Variants in MECOM observed in about 807,000 individuals in gnomAD.
MECOM encodes the protein histone-lysine N-methyltransferase MECOM.
A neutral mutation model predicts 116.3 loss-of-function variants in MECOM; 13 were observed. The observed-to-expected ratio is 0.11, with a 90% CI of 0.07 to 0.18. The LOEUF (loss-of-function observed/expected upper bound fraction) is 0.18, where lower values mean the gene tolerates loss of function less well. Among genes scored for constraint, MECOM ranks in the 10% least tolerant of loss-of-function variants. The pLI, the probability that MECOM is intolerant of heterozygous loss-of-function variation, is 1.00. For missense variants in MECOM, 1,299 were observed against 1,509.0 expected (o/e 0.86, Z 2.31); for synonymous variants, 528 against 535.2 (o/e 0.99, Z 0.19).
chr3:169,131,947 C>G (rs1734855825), intron 3 of MECOM: 1 of 994,804 alleles, frequency 1.0e-6, no homozygotes, highest in East Asian at 1.1e-4. Context: ...TTGTACCTTC[C>G]CCACTTAAGC....
chr3:169,280,269 A>G (rs1039909591), intron 2 of MECOM, among the ~76,000 whole-genome samples: 6 of 152,194 alleles, frequency 3.9e-5, no homozygotes, highest in Non-Finnish European at 8.8e-5. Context: ...CCATAATATG[A>G]TTACCTTTAA....
At chr3:169,473,901 T>A (rs1030101914) in intron 1 of MECOM, among the ~76,000 whole-genome samples, 2 of 113,430 alleles carry the variant, frequency 1.8e-5, no homozygotes, top group Non-Finnish European at 3.4e-5. Flanking sequence ...ATTATATCTA[T>A]AGATAGATAG....
At chr3:169,374,636 T>C (rs750715437) in intron 2 of MECOM, among the ~76,000 whole-genome samples, 8 of 152,026 alleles carry the variant, frequency 5.3e-5, no homozygotes, top group Non-Finnish European at 8.8e-5. Flanking sequence ...CGTTGTCTCA[T>C]AATGGCTATC....
Position 169,273,666 on chromosome 3 carries a change from G to C in MECOM, c.375+107521C>G, listed in dbSNP as rs530504281. Among the ~76,000 whole-genome samples the C allele has an allele frequency of 1.6e-4, 25 of 152,226 alleles. No homozygotes were observed. The South Asian group carries it at 4.6e-3, about 28-fold the overall frequency. ...GTGTGAAGACTAGGGTGTATGCAGC[G>C]AGTAATCTGCATGTTTACTGCGTCA... On this transcript the variant is annotated intron_variant, in intron 2 of 16. Coordinates refer to ENST00000651503, the MANE Select transcript of MECOM (RefSeq NM_004991.4).
At chr3:169,281,636 C>T (rs980128741) in intron 2 of MECOM, among the ~76,000 whole-genome samples, 7 of 151,940 alleles carry the variant, frequency 4.6e-5, no homozygotes, top group African/African-American at 1.2e-4. Context: ...CATGGCAAAA[C>T]CCCATCTCTA....
rs912696032 is a variant in MECOM, at chr3:169,626,593, A to T, written c.37+36743T>A. Reference sequence around the variant, plus strand: ...AGAGGTTTGGTTTGCCCAGGGCCTGACCTCCACACCAGCCTTCCTCTCCCT... The same window carrying T: ...AGAGGTTTGGTTTGCCCAGGGCCTGTCCTCCACACCAGCCTTCCTCTCCCT... On this transcript the variant is annotated intron_variant, in intron 1 of 16. Coordinates refer to ENST00000651503, the MANE Select transcript of MECOM (RefSeq NM_004991.4). 2.6e-5 allele frequency among the ~76,000 whole-genome samples: 4 copies of T among 152,180 alleles called. No homozygotes were observed. The East Asian group carries it at 7.7e-4, about 29-fold the overall frequency.
chr3:169,599,944 A>G (rs1381742508), intron 1 of MECOM, among the ~76,000 whole-genome samples: 1 of 152,152 alleles, frequency 6.6e-6, no homozygotes, highest in Non-Finnish European at 1.5e-5. Flanking sequence ...GTATGGATAT[A>G]TGTAATATTC....
At chr3:169,383,976 C>A (rs78530449) in intron 1 of MECOM, among the ~76,000 whole-genome samples, 9,001 of 152,236 alleles carry the variant, frequency 0.059, 566 homozygotes, top group Admixed American at 0.21. Context: ...TATCACCGTC[C>A]CATTTAACAC....
intron 3 of MECOM, among the ~76,000 whole-genome samples, chr3:169,138,728 G>A (rs1737154812): frequency 6.6e-6 from 1 of 151,910 alleles, no homozygotes. Context: ...CCTGACAGTA[G>A]ACACAAACAT....
intron 1 of MECOM, among the ~76,000 whole-genome samples, chr3:169,662,715 C>T (rs1438970029): frequency 6.6e-6 from 1 of 152,074 alleles, no homozygotes; most frequent in Non-Finnish European, 1.5e-5. Context: ...GCGCAGTCCA[C>T]CCGCCCGCCC....
chr3:169,204,098 C>G (rs552092729), intron 2 of MECOM, among the ~76,000 whole-genome samples: 1 of 152,114 alleles, frequency 6.6e-6, no homozygotes, highest in Non-Finnish European at 1.5e-5. Flanking sequence ...CCCAAGGAAC[C>G]GCTACTGGGA....
chr3:169,443,207 T>G (rs1465743027), intron 1 of MECOM, among the ~76,000 whole-genome samples: 1 of 152,222 alleles, frequency 6.6e-6, no homozygotes, highest in East Asian at 1.9e-4. Flanking sequence ...CAGTGGGGTC[T>G]CTTCCCTGTG....
chr3:169,384,414 A>G (rs1336787804), intron 1 of MECOM, among the ~76,000 whole-genome samples: 1 of 152,134 alleles, frequency 6.6e-6, no homozygotes, highest in Non-Finnish European at 1.5e-5. Context: ...GTCCAAACAT[A>G]CTCAACAAAA....
intron 1 of MECOM, among the ~76,000 whole-genome samples, chr3:169,485,570 C>T (rs1752022948): frequency 6.6e-6 from 1 of 151,956 alleles, no homozygotes; most frequent in African/African-American, 2.4e-5. Context: ...ACTTGAAGAT[C>T]ATCTCATCCA....
chr3:169,293,529 G>T (rs773149844), intron 2 of MECOM, among the ~76,000 whole-genome samples: 6 of 152,118 alleles, frequency 3.9e-5, no homozygotes, highest in Non-Finnish European at 7.3e-5. Context: ...TTCCTTTCAG[G>T]TTTCTGTTCC....
chr3:169,584,351 G>C (rs1288221114), intron 1 of MECOM, among the ~76,000 whole-genome samples: 3 of 151,512 alleles, frequency 2.0e-5, no homozygotes, highest in Non-Finnish European at 4.4e-5. Context: ...GGATCACGAG[G>C]TCTGGAGATA....
intron 1 of MECOM, among the ~76,000 whole-genome samples, chr3:169,481,638 A>G (rs1341515375): frequency 6.9e-6 from 1 of 143,910 alleles, no homozygotes; most frequent in East Asian, 2.0e-4. Flanking sequence ...TTCCACAAAT[A>G]AATATATATT....
intron 1 of MECOM, among the ~76,000 whole-genome samples, chr3:169,558,005 C>T (rs1762233518): frequency 6.6e-6 from 1 of 152,154 alleles, no homozygotes; most frequent in African/African-American, 2.4e-5. Context: ...CATACAAATA[C>T]ATATTTTTCA....
chr3:169,567,950 C>G (rs1389014284), intron 1 of MECOM, among the ~76,000 whole-genome samples: 1 of 152,154 alleles, frequency 6.6e-6, no homozygotes, highest in Non-Finnish European at 1.5e-5. Flanking sequence ...ATAGGAACAA[C>G]TCCAGTCTGC....
Sources: gnomAD v4.1 joint callset for allele counts (sites outside exome capture counted in the v4.1 genomes callset) on GRCh38, gnomAD v4.1.1 for gene constraint, MANE v1.5 for transcripts, NCBI Gene and HGNC (gene_info 2026-07-23, HGNC 2026-07-21) for gene names.